Variants in DIP2C observed in about 807,000 individuals in gnomAD.
The protein encoded by DIP2C is disco-interacting protein 2 homolog C.
In DIP2C, 33 loss-of-function variants were observed where a neutral mutation model predicts 192.4. The observed-to-expected ratio is 0.17, with a 90% CI of 0.13 to 0.23. The LOEUF (loss-of-function observed/expected upper bound fraction) is 0.23, where lower values mean the gene tolerates loss of function less well. Ranked by LOEUF, DIP2C falls within the 10% of genes least tolerant of loss-of-function variation. The pLI, the probability that DIP2C is intolerant of heterozygous loss-of-function variation, is 1.00. For synonymous variants in DIP2C, 979 were observed against 864.1 expected (o/e 1.13, Z -2.33); for missense variants, 1,537 against 2,110.1 (o/e 0.73, Z 5.32).
chr10:475,085 C>G (rs1970954739), intron 2 of DIP2C, among the ~76,000 whole-genome samples: 1 of 152,194 alleles, frequency 6.6e-6, no homozygotes, highest in South Asian at 2.1e-4. Flanking sequence ...CATGTTCACC[C>G]TCTAACCTGG....
At chr10:584,591 G>A (rs887841261) in intron 1 of DIP2C, among the ~76,000 whole-genome samples, 4 of 110,698 alleles carry the variant, frequency 3.6e-5, no homozygotes, top group Admixed American at 1.0e-4. Context: ...CCCCACTCAC[G>A]CGCATCACCT....
At chr10:583,184 A>G (rs1850774462) in intron 1 of DIP2C, among the ~76,000 whole-genome samples, 1 of 152,374 alleles carries the variant, frequency 6.6e-6, no homozygotes, top group African/African-American at 2.4e-5. Flanking sequence ...TAGGAAAAAG[A>G]ACGTTGTACT....
intron 1 of DIP2C, among the ~76,000 whole-genome samples, chr10:497,818 C>CA (rs1402004036): frequency 2.0e-5 from 3 of 151,794 alleles, no homozygotes; most frequent in East Asian, 1.9e-4. Context: ...ATGCAAGCGC[C>CA]AAAAAAAATT....
intron 1 of DIP2C, among the ~76,000 whole-genome samples, chr10:556,539 TTA>T: frequency 6.6e-6 from 1 of 150,906 alleles, no homozygotes; most frequent in African/African-American, 2.4e-5. Flanking sequence ...CTCAACAGCC[TTA>T]GACTGAACAC....
intron 2 of DIP2C, among the ~76,000 whole-genome samples, chr10:480,928 T>G (rs1006548980): frequency 1.3e-5 from 2 of 152,064 alleles, no homozygotes; most frequent in African/African-American, 4.8e-5. Context: ...CACCCACGTT[T>G]CCCCTCCTCT....
intron 9 of DIP2C, among the ~76,000 whole-genome samples, chr10:406,939 C>G (rs1245179107): frequency 6.6e-6 from 1 of 152,104 alleles, no homozygotes; most frequent in African/African-American, 2.4e-5. Flanking sequence ...GAACAGAAGA[C>G]AGCAGGAAAA....
At chr10:582,449 G>C (rs1039208355) in intron 1 of DIP2C, among the ~76,000 whole-genome samples, 3 of 152,218 alleles carry the variant, frequency 2.0e-5, no homozygotes, top group Non-Finnish European at 4.4e-5. Flanking sequence ...CAGGCATGCT[G>C]GTGCGCGCCT....
intron 1 of DIP2C, among the ~76,000 whole-genome samples, chr10:523,101 G>A (rs1227918594): frequency 5.3e-5 from 8 of 152,136 alleles, no homozygotes; most frequent in African/African-American, 1.7e-4. Context: ...GGACCCTGGA[G>A]TGAGGATGCA....
chr10:281,371 A>G, intron 35 of DIP2C, 48 bp from the exon 36 acceptor site: 2 of 1,542,736 alleles, frequency 1.3e-6, no homozygotes, highest in Non-Finnish European at 1.8e-6. Flanking sequence ...ATGCCGCTCA[A>G]GCCGTTTCCT....
chr10:471,250 GAC>G (rs1406963827), intron 3 of DIP2C, among the ~76,000 whole-genome samples: 1 of 152,086 alleles, frequency 6.6e-6, no homozygotes, highest in Non-Finnish European at 1.5e-5. Flanking sequence ...TTGCATGGGT[GAC>G]ACTCTCTGAG....
In DIP2C at chr10:282,366, C is replaced by T. The variant is rs138701786; in HGVS notation, c.4294+906G>A. 6.4e-4 allele frequency among the ~76,000 whole-genome samples: 97 copies of T among 152,330 alleles called. 1 individual carries two copies. In the East Asian group the frequency reaches 0.013, roughly 21 times the overall value. ...GTAGCCTCAAACTAGTCTATAATTTCCCACAATGCAAATGTCATGCCAGGA... is the reference window on the plus strand; with the variant it reads ...GTAGCCTCAAACTAGTCTATAATTTTCCACAATGCAAATGTCATGCCAGGA... On this transcript the variant is annotated intron_variant, in intron 35 of 36. Transcript: ENST00000280886.
chr10:530,483 G>T (rs1218737775), intron 1 of DIP2C, among the ~76,000 whole-genome samples: 1 of 152,002 alleles, frequency 6.6e-6, no homozygotes, highest in South Asian at 2.1e-4. Flanking sequence ...GCCTGCTTGA[G>T]GGGGTGAGAG....
chr10:650,954 T>C, intron 1 of DIP2C: 1 of 717,414 alleles, frequency 1.4e-6, no homozygotes, highest in East Asian at 2.7e-5. Flanking sequence ...GCTCTGGCTG[T>C]TTCTCTTCCA....
intron 1 of DIP2C, among the ~76,000 whole-genome samples, chr10:489,353 A>G (rs1276294328): frequency 3.3e-5 from 5 of 152,248 alleles, no homozygotes. Context: ...GAATACAATC[A>G]GGTCATAGGT....
chr10:524,076 C>CGCCCA (rs1846903486), intron 1 of DIP2C, among the ~76,000 whole-genome samples: 1 of 141,018 alleles, frequency 7.1e-6, no homozygotes, highest in African/African-American at 2.7e-5. Flanking sequence ...TCAGTTCTCA[C>CGCCCA]GCCCAGCCGT....
In DIP2C at chr10:456,475, G is replaced by C. The variant is rs61837254; in HGVS notation, c.269-15479C>G. Among the ~76,000 whole-genome samples, 62 of 141,770 alleles carry C rather than the reference G, an allele frequency of 4.4e-4. 1 individual carries two copies. The highest frequency in any genetic ancestry group is 1.3e-3 in the African/African-American group (45 of 34,642). 93.0% of individuals were successfully genotyped at this position (141,770 alleles called of 152,430 possible). Reference sequence around the variant, plus strand: ...CCTGCCTGAGGGGAGACTGTGAGGAGTAAATGAGTGACTGAATCAAAGCAC... The same window carrying C: ...CCTGCCTGAGGGGAGACTGTGAGGACTAAATGAGTGACTGAATCAAAGCAC... On this transcript the variant is annotated intron_variant, in intron 3 of 36. Transcript: ENST00000280886.
intron 3 of DIP2C, among the ~76,000 whole-genome samples, chr10:459,092 G>C (rs560109302): frequency 6.6e-6 from 1 of 151,220 alleles, no homozygotes; most frequent in Non-Finnish European, 1.5e-5. Context: ...AAAAGCTTTT[G>C]CCAGTGGGGC....
At chr10:485,082 C>T (rs1345800411) in intron 2 of DIP2C, 6 of 1,188,832 alleles carry the variant, frequency 5.0e-6, no homozygotes, top group Non-Finnish European at 6.8e-6. Flanking sequence ...GCACGACCGC[C>T]CTCTGCGCCC....
At chr10:528,944 G>GAAC (rs1421434908) in intron 1 of DIP2C, among the ~76,000 whole-genome samples, 1 of 152,202 alleles carries the variant, frequency 6.6e-6, no homozygotes, top group Non-Finnish European at 1.5e-5. Context: ...ACAGGAACGA[G>GAAC]AACACTACCA....
Sources: allele counts gnomAD v4.1 joint callset (sites outside exome capture counted in the v4.1 genomes callset), GRCh38; gene constraint gnomAD v4.1.1; transcripts MANE v1.5; gene names NCBI Gene and HGNC (gene_info 2026-07-23, HGNC 2026-07-21).